RNF125: variants seen among roughly 807,000 people sequenced by gnomAD.
The protein encoded by RNF125 is E3 ubiquitin-protein ligase RNF125.
In RNF125, 21 loss-of-function variants were observed where a neutral mutation model predicts 26.0. The observed-to-expected ratio is 0.81, with a 90% CI of 0.57 to 1.16. The LOEUF is 1.16. Among genes scored for constraint, RNF125 ranks in the 50% most tolerant of loss-of-function variants. The probability of loss-of-function intolerance (pLI) is 0.00; values close to 1 mark genes in which losing one functional copy is unlikely to be tolerated. For missense variants in RNF125, 270 were observed against 299.4 expected (o/e 0.90, Z 0.72); for synonymous variants, 95 against 109.2 (o/e 0.87, Z 0.81).
rs2039415777 is a variant in RNF125 at position 32,059,480 on chromosome 18, T to C, written c.505-6422T>C. ...TTTAAATTGAATTACTAATTTCTTT[T>C]CCTGTAGAGTTGTTTGCACTCCTTA... On this transcript the variant is annotated intron_variant, in intron 4 of 5. Coordinates refer to ENST00000217740, the MANE Select transcript of RNF125 (RefSeq NM_017831.4). Among the ~76,000 whole-genome samples, 3 of 152,342 alleles carry C rather than the reference T, an allele frequency of 2.0e-5. No homozygotes were observed. In the South Asian group the frequency reaches 6.2e-4, roughly 32 times the overall value.
chr18:32,049,972 G>A (rs1401950505), intron 4 of RNF125, among the ~76,000 whole-genome samples: 1 of 152,076 alleles, frequency 6.6e-6, no homozygotes, highest in African/African-American at 2.4e-5. Context: ...AGGAGGGCTG[G>A]GTCCAATGCT....
At chr18:32,074,571 C>G (rs1336710037), downstream of RNF125, among the ~76,000 whole-genome samples, 1 of 151,910 alleles carries the variant, frequency 6.6e-6, no homozygotes, top group Admixed American at 6.6e-5. Flanking sequence ...GAGATGGAGT[C>G]TTGCTCTGTT....
chr18:32,020,118 G>A (rs1019542371), intron 1 of RNF125, among the ~76,000 whole-genome samples: 2 of 151,612 alleles, frequency 1.3e-5, no homozygotes, highest in Non-Finnish European at 2.9e-5. Context: ...TGCAACCTCC[G>A]CCCACTGCAA....
downstream of RNF125, chr18:32,075,964 G>A (rs979111050): frequency 1.7e-5 from 25 of 1,506,770 alleles, no homozygotes; most frequent in Non-Finnish European, 1.9e-5. Context: ...AGCTGAGGTT[G>A]TCAGTACAAT....
chr18:32,033,415 C>T (rs1178109728), intron 1 of RNF125, among the ~76,000 whole-genome samples: 1 of 151,994 alleles, frequency 6.6e-6, no homozygotes, highest in Non-Finnish European at 1.5e-5. Context: ...GTAATCCCAG[C>T]TGCTTGGGAG....
intron 4 of RNF125, among the ~76,000 whole-genome samples, chr18:32,049,577 G>T (rs997619262): frequency 6.6e-6 from 1 of 152,000 alleles, no homozygotes; most frequent in Admixed American, 6.6e-5. Context: ...ACCCACATGG[G>T]GTGGTGGTGT....
intron 4 of RNF125, 89 bp downstream of exon 4, chr18:32,045,821 CT>C: frequency 1.3e-6 from 1 of 759,878 alleles, no homozygotes; most frequent in Non-Finnish European, 2.2e-6. Flanking sequence ...TTATAGATAC[CT>C]TATAAAGGAT....
At chr18:32,055,083 C>T (rs150637270) in intron 4 of RNF125, among the ~76,000 whole-genome samples, 1 of 151,630 alleles carries the variant, frequency 6.6e-6, no homozygotes, top group Non-Finnish European at 1.5e-5. Flanking sequence ...AATTGTTTGA[C>T]CCCATGAGTT....
chr18:32,084,395 CAAAG>C, the RNF125 span, among the ~76,000 whole-genome samples: 1 of 152,092 alleles, frequency 6.6e-6, no homozygotes, highest in East Asian at 1.9e-4. Context: ...AGAACAGTGT[CAAAG>C]AAAAGTTGAA....
At chr18:32,023,183 C>T (rs1482157799) in intron 1 of RNF125, among the ~76,000 whole-genome samples, 2 of 152,078 alleles carry the variant, frequency 1.3e-5, no homozygotes, top group African/African-American at 4.8e-5. Context: ...GATGGAGTCT[C>T]ACTCTGTCAC....
intron 4 of RNF125, among the ~76,000 whole-genome samples, chr18:32,051,480 G>A (rs955982855): frequency 6.6e-6 from 1 of 151,846 alleles, no homozygotes; most frequent in South Asian, 2.1e-4. Context: ...AGCTGGGCAT[G>A]TTGGCAGGAG....
chr18:32,050,865 CTTTTTTTTTTTTTT>C (rs531751585), intron 4 of RNF125, among the ~76,000 whole-genome samples: 333 of 46,274 alleles, frequency 7.2e-3, no homozygotes, highest in African/African-American at 0.02. Context: ...GTCTAGAGTG[CTTTTTTTTTTTTTT>C]TTTTTTTTTT....
At chr18:32,057,902 C>T (rs140769074) in intron 4 of RNF125, among the ~76,000 whole-genome samples, 2,107 of 152,164 alleles carry the variant, frequency 0.014, 54 homozygotes, top group African/African-American at 0.048. Context: ...ATTTGCATTT[C>T]TAACAAGTTA....
In RNF125 at chr18:32,048,050, C is replaced by A. The variant is rs995943146; in HGVS notation, c.504+2318C>A. On this transcript the variant is annotated intron_variant, in intron 4 of 5. Transcript: ENST00000217740. ...GGCTGAGGTGGGAGGATTGCTTGAG[C>A]CTGGAAGGACGGAGGTTGAAGTGAA... 2.6e-5 allele frequency among the ~76,000 whole-genome samples: 4 copies of A among 152,050 alleles called. No individual in the cohort carries two copies. In the Middle Eastern group the frequency reaches 0.01, roughly 391 times the overall value.
At chr18:32,077,464 C>T (rs2039578007), downstream of RNF125, among the ~76,000 whole-genome samples, 2 of 149,414 alleles carry the variant, frequency 1.3e-5, no homozygotes, top group South Asian at 2.1e-4. Flanking sequence ...CGGGTTCAAG[C>T]GATTCTCCTA....
chr18:32,021,863 T>C (rs2038989791), intron 1 of RNF125, among the ~76,000 whole-genome samples: 1 of 152,210 alleles, frequency 6.6e-6, no homozygotes, highest in Admixed American at 6.5e-5. Flanking sequence ...ACTGGAAAAA[T>C]AGTCATAAAA....
intron 4 of RNF125, among the ~76,000 whole-genome samples, chr18:32,055,893 C>T (rs774690314): frequency 4.2e-5 from 6 of 142,092 alleles, no homozygotes; most frequent in Non-Finnish European, 7.5e-5. Flanking sequence ...GCAGGAGAAT[C>T]GCTTGAACCT....
chr18:32,065,222 T>C (rs1383470318), intron 4 of RNF125, among the ~76,000 whole-genome samples: 1 of 152,100 alleles, frequency 6.6e-6, no homozygotes, highest in Non-Finnish European at 1.5e-5. Context: ...TGTTTTTTGT[T>C]GTTATTGTTT....
chr18:32,048,444 ACC>A (rs776341117), intron 4 of RNF125, among the ~76,000 whole-genome samples: 45,643 of 145,150 alleles, frequency 0.31, 8,080 homozygotes, highest in South Asian at 0.42. Flanking sequence ...AAACAAAAAA[ACC>A]CAAAAAAACC....
Sources: allele counts gnomAD v4.1 joint callset (sites outside exome capture counted in the v4.1 genomes callset), GRCh38; gene constraint gnomAD v4.1.1; transcripts MANE v1.5; gene names NCBI Gene and HGNC (gene_info 2026-07-23, HGNC 2026-07-21).